The following TIGAR variants were observed in gnomAD, a reference collection of about 807,000 sequenced individuals.
TIGAR encodes the protein fructose-2,6-bisphosphatase TIGAR.
In TIGAR, 7 loss-of-function variants were observed where a neutral mutation model predicts 17.9. That is an observed-to-expected ratio of 0.39 (90% CI 0.22 to 0.73). The LOEUF (loss-of-function observed/expected upper bound fraction) is 0.73. TIGAR is among the 30% of genes least tolerant of loss of function. The pLI is 0.42. For synonymous variants in TIGAR, 94 were observed against 108.6 expected (o/e 0.87, Z 0.84); for missense variants, 258 against 327.4 (o/e 0.79, Z 1.64).
In TIGAR at chr12:4,354,932, T is replaced by C. The variant is rs1864883046; in HGVS notation, c.*2241T>C. On this transcript the variant is annotated 3_prime_UTR_variant, in exon 6 of 6. Coordinates refer to ENST00000179259, the MANE Select transcript of TIGAR (RefSeq NM_020375.3). ...TTTTAGTAGAGACGGGGTTTCGCCA[T>C]GTTGGCCAGGCTGGTCTTGAACTTC... 6.6e-6 allele frequency among the ~76,000 whole-genome samples: 1 copy of C among 151,024 alleles called. No homozygotes were observed. Among genetic ancestry groups the C allele is most frequent in the Admixed American group, 6.6e-5 (1 of 15,170 alleles).
chr12:4,337,279 G>A, intron 3 of TIGAR, 119 bp downstream of exon 3: 1 of 553,290 alleles, frequency 1.8e-6, no homozygotes, highest in Non-Finnish European at 2.7e-6. Flanking sequence ...TGATTCTGAT[G>A]CCTCAGCCTC....
intron 1 of TIGAR, among the ~76,000 whole-genome samples, chr12:4,323,725 T>A (rs1176837565): frequency 6.6e-6 from 1 of 152,208 alleles, no homozygotes; most frequent in Non-Finnish European, 1.5e-5. Context: ...TGAGGCTACT[T>A]TTTAGTCTCT....
chr12:4,322,265 G>C (rs898428715), intron 1 of TIGAR, among the ~76,000 whole-genome samples: 1 of 152,170 alleles, frequency 6.6e-6, no homozygotes, highest in African/African-American at 2.4e-5. Context: ...GCAAAGTGTT[G>C]GGATTACAGG....
chr12:4,341,589 G>A (rs1052811192), intron 3 of TIGAR, among the ~76,000 whole-genome samples: 4 of 152,220 alleles, frequency 2.6e-5, no homozygotes, highest in African/African-American at 9.6e-5. Context: ...AGCAATATTT[G>A]CTGTTCTGCA....
intron 3 of TIGAR, among the ~76,000 whole-genome samples, chr12:4,339,172 T>A (rs1864693157): frequency 6.6e-6 from 1 of 152,056 alleles, no homozygotes; most frequent in East Asian, 1.9e-4. Flanking sequence ...TAGATTTAAC[T>A]AAGAAGATAA....
Position 4,357,083 on chromosome 12 carries a change from G to A in TIGAR, c.*4392G>A, listed in dbSNP as rs1864912263. Among the ~76,000 whole-genome samples the A allele has an allele frequency of 6.6e-6, 1 of 152,138 alleles. No individual in the cohort carries two copies. Among genetic ancestry groups the A allele is most frequent in the Non-Finnish European group, 1.5e-5 (1 of 68,028 alleles). On this transcript the variant is annotated 3_prime_UTR_variant, in exon 6 of 6. Transcript: ENST00000179259. ...CAGCAAGGACATGCTCATATTAGGGGAAGCACATAAAGTAAGATATCCCTG... is the reference window on the plus strand; with the variant it reads ...CAGCAAGGACATGCTCATATTAGGGAAAGCACATAAAGTAAGATATCCCTG...
At chr12:4,346,248 A>C (rs1300593750) in intron 3 of TIGAR, among the ~76,000 whole-genome samples, 4 of 152,238 alleles carry the variant, frequency 2.6e-5, no homozygotes, top group African/African-American at 9.6e-5. Flanking sequence ...CAGCCATCCC[A>C]TTTCTGGGTA....
chr12:4,353,110 A>T lies in TIGAR; in HGVS notation c.*419A>T, dbSNP rs1201834871. The T allele has an allele frequency of 1.2e-5, 2 of 160,102 alleles. No homozygotes were observed. The highest frequency in any genetic ancestry group is 1.8e-4 in the East Asian group (1 of 5,458). 9.9% of individuals were successfully genotyped at this position (160,102 alleles called of 1,614,324 possible). ...GGTTTATAATTCCCAGTACATGTTT[A>T]TATTGACTGTGTTATATTTTTAAAT... On this transcript the variant is annotated 3_prime_UTR_variant, in exon 6 of 6. Coordinates refer to ENST00000179259, the MANE Select transcript of TIGAR (RefSeq NM_020375.3).
chr12:4,349,504 G>A (rs1191373032), intron 3 of TIGAR, among the ~76,000 whole-genome samples: 6 of 151,112 alleles, frequency 4.0e-5, no homozygotes, highest in African/African-American at 1.5e-4. Context: ...TGCAACCTCC[G>A]CCTCCCAGGT....
At position 4,352,495 on chromosome 12, in the gene TIGAR, T is replaced by C; in HGVS notation, c.617T>C (p.Phe206Ser). The C allele has an allele frequency of 6.2e-7, 1 of 1,614,170 alleles. No homozygotes were observed. Among genetic ancestry groups the C allele is most frequent in the East Asian group, 2.2e-5 (1 of 44,864 alleles). Residue 206 changes from phenylalanine to serine, a missense_variant, in exon 6 of 6, where the codon TTT becomes TCT. Phe to Ser is a radical substitution (Grantham distance 155). Transcript: ENST00000179259. ...CACGGTGCTTACATGAGAAGTCTGTTTGATTATTTTCTGACTGACCTTAAG... is the reference window on the plus strand; with the variant it reads ...CACGGTGCTTACATGAGAAGTCTGTCTGATTATTTTCTGACTGACCTTAAG... The part of the protein sequence containing the change: ...VSHGAYMRSL[F>S]DYFLTDLKCS...
chr12:4,321,417 G>A lies in TIGAR; in HGVS notation c.32+114G>A. 1 of 1,484,408 alleles carries A rather than the reference G, an allele frequency of 6.7e-7. No individual in the cohort carries two copies. Among genetic ancestry groups the A allele is most frequent in the Non-Finnish European group, 9.2e-7 (1 of 1,091,294 alleles). The allele number at this position is 1,484,408 out of a possible 1,614,324, so 92.0% of individuals were successfully genotyped here. Reference sequence around the variant, plus strand: ...CCCCTCCCTGCTCGCTCCAGCCCGGGAGGGCTGGCTTGGAAGCGCTTTTTC... The same window carrying A: ...CCCCTCCCTGCTCGCTCCAGCCCGGAAGGGCTGGCTTGGAAGCGCTTTTTC... On this transcript the variant is annotated intron_variant, in intron 1 of 5. Transcript: ENST00000179259. This position sits in a 1 kb window ranked among gnomAD's most constrained non-coding sequence, Gnocchi z 5.2.
At chr12:4,332,624 C>T (rs1174250350) in intron 2 of TIGAR, among the ~76,000 whole-genome samples, 1 of 152,192 alleles carries the variant, frequency 6.6e-6, no homozygotes, top group Non-Finnish European at 1.5e-5. Flanking sequence ...AAGCATTCAG[C>T]ACCAAGTATT....
At position 4,357,903 on chromosome 12, in the gene TIGAR, A is replaced by T. The variant is rs1018565292; in HGVS notation, c.*5212A>T. ...CAGATCACGAGGTCAGGAGATAGAG[A>T]CCATCCTGGCTAACACAGTGAAACC... On this transcript the variant is annotated 3_prime_UTR_variant, in exon 6 of 6. Transcript: ENST00000179259. Among the ~76,000 whole-genome samples, 2 of 151,724 alleles carry T rather than the reference A, an allele frequency of 1.3e-5. No individual in the cohort carries two copies. Among genetic ancestry groups the T allele is most frequent in the Non-Finnish European group, 2.9e-5 (2 of 67,956 alleles).
chr12:4,347,921 A>C (rs932048753), intron 3 of TIGAR, among the ~76,000 whole-genome samples: 1 of 152,144 alleles, frequency 6.6e-6, no homozygotes, highest in East Asian at 1.9e-4. Context: ...AGATCACTTG[A>C]GCTCAGGAGT....
At chr12:4,322,331 G>T (rs1864490663) in intron 1 of TIGAR, among the ~76,000 whole-genome samples, 1 of 152,182 alleles carries the variant, frequency 6.6e-6, no homozygotes, top group Non-Finnish European at 1.5e-5. Context: ...GTAGACCTCG[G>T]TTGGAGTCTG....
At chr12:4,346,924 A>C (rs949534577) in intron 3 of TIGAR, among the ~76,000 whole-genome samples, 7 of 152,192 alleles carry the variant, frequency 4.6e-5, no homozygotes, top group African/African-American at 1.7e-4. Flanking sequence ...CATGGAGGAA[A>C]GGGAACACTT....
At chr12:4,350,314 G>A (rs993707712) in intron 4 of TIGAR, among the ~76,000 whole-genome samples, 2 of 152,146 alleles carry the variant, frequency 1.3e-5, no homozygotes, top group Non-Finnish European at 2.9e-5. Context: ...AATGGACATC[G>A]GCGAGTGTGT....
chr12:4,357,932 T>TAATAGAAAAA lies in TIGAR; in HGVS notation c.*5241_*5242insAATAGAAAAA, dbSNP rs1864925238. ...TCCTGGCTAACACAGTGAAACCTCG[T>TAATAGAAAAA]CTCCACTGAAAAATAGAAAAAATTA... On this transcript the variant is annotated 3_prime_UTR_variant, in exon 6 of 6. Transcript: ENST00000179259. Among the ~76,000 whole-genome samples, 4 of 151,416 alleles carry TAATAGAAAAA rather than the reference T, an allele frequency of 2.6e-5. No individual in the cohort carries two copies. Among genetic ancestry groups the TAATAGAAAAA allele is most frequent in the African/African-American group, 9.7e-5 (4 of 41,138 alleles).
chr12:4,352,759 T>TCTCTC lies in TIGAR; in HGVS notation c.*73_*77dup. On this transcript the variant is annotated 3_prime_UTR_variant, in exon 6 of 6. Coordinates refer to ENST00000179259, the MANE Select transcript of TIGAR (RefSeq NM_020375.3). ...GGGAGTGCCATTGGCTTTATTTACTTCTCTCCTCTGCTAGTTCTGATTTGG... is the reference window on the plus strand; with the variant it reads ...GGGAGTGCCATTGGCTTTATTTACTTCTCTCCTCTCCTCTGCTAGTTCTGATTTGG... 1.4e-6 allele frequency: 2 copies of TCTCTC among 1,454,524 alleles called. No individual in the cohort carries two copies. Among genetic ancestry groups the TCTCTC allele is most frequent in the Non-Finnish European group, 1.8e-6 (2 of 1,084,216 alleles). 90.1% of individuals were successfully genotyped at this position (1,454,524 alleles called of 1,614,324 possible).
Sources: gnomAD v4.1 joint callset for allele counts (sites outside exome capture counted in the v4.1 genomes callset) on GRCh38, gnomAD v4.1.1 for gene constraint, Gnocchi (gnomAD v3.1) non-coding constraint, MANE v1.5 for transcripts, NCBI Gene and HGNC (gene_info 2026-07-23, HGNC 2026-07-21) for gene names.